The following ARMH3 variants were observed in gnomAD, a reference collection of about 807,000 sequenced individuals.
ARMH3 encodes armadillo like helical domain containing 3.
Under a neutral mutation model 99.1 loss-of-function variants are expected in ARMH3, and 60 were observed. That is an observed-to-expected ratio of 0.61 (90% CI 0.49 to 0.75). The LOEUF is 0.75. Among genes scored for constraint, ARMH3 ranks in the 30% least tolerant of loss-of-function variants. The pLI, the probability that ARMH3 is intolerant of heterozygous loss-of-function variation, is 0.00. For synonymous variants in ARMH3, 285 were observed against 292.8 expected (o/e 0.97, Z 0.27); for missense variants, 679 against 843.1 (o/e 0.81, Z 2.41).
At chr10:101,973,495 A>G (rs1162358417) in intron 20 of ARMH3, among the ~76,000 whole-genome samples, 1 of 152,246 alleles carries the variant, frequency 6.6e-6, no homozygotes, top group Non-Finnish European at 1.5e-5. Context: ...TCATACCAAT[A>G]AAAGTGTCGA....
intron 23 of ARMH3, among the ~76,000 whole-genome samples, chr10:101,922,987 T>C (rs1843362900): frequency 1.3e-5 from 2 of 152,288 alleles, no homozygotes; most frequent in Middle Eastern, 3.4e-3. Context: ...GTACACTCCA[T>C]GTTTGACATC....
Position 101,983,520 on chromosome 10 carries a change from A to G in ARMH3, c.1406+7031T>C, listed in dbSNP as rs550332613. On this transcript the variant is annotated intron_variant, in intron 19 of 25. Coordinates refer to ENST00000370033, the MANE Select transcript of ARMH3 (RefSeq NM_024541.3). Reference sequence around the variant, plus strand: ...GTGATCCATCTACCTCAGCCTCCCAAAGTGCTAGGATTACAGGCATGAACC... The same window carrying G: ...GTGATCCATCTACCTCAGCCTCCCAGAGTGCTAGGATTACAGGCATGAACC... 1.1e-4 allele frequency among the ~76,000 whole-genome samples: 17 copies of G among 152,250 alleles called. 1 individual carries two copies. In the South Asian group the frequency reaches 3.3e-3, roughly 30 times the overall value.
chr10:102,012,962 CTAAT>C, intron 9 of ARMH3, 86 bp from the exon 10 acceptor site: 1 of 1,183,380 alleles, frequency 8.5e-7, no homozygotes, highest in Non-Finnish European at 1.2e-6. Context: ...AGAAAGAACA[CTAAT>C]TAGCCCAAGA....
At chr10:102,055,028 CA>C (rs149001297) in intron 1 of ARMH3, among the ~76,000 whole-genome samples, 105 of 126,514 alleles carry the variant, frequency 8.3e-4, no homozygotes, top group Admixed American at 1.6e-3. Flanking sequence ...AACAAACAAA[CA>C]AAAAAAAAAA....
chr10:101,942,259 T>A (rs2135725292), intron 22 of ARMH3, among the ~76,000 whole-genome samples: 1 of 152,086 alleles, frequency 6.6e-6, no homozygotes, highest in East Asian at 1.9e-4. Flanking sequence ...ACAAAAAAAA[T>A]GAATTGTATG....
At position 101,991,954 on chromosome 10, in the gene ARMH3, A is replaced by G; in HGVS notation, c.1345+15T>C. 6.2e-7 allele frequency: 1 copy of G among 1,607,102 alleles called. No individual in the cohort carries two copies. The highest frequency in any genetic ancestry group is 2.2e-5 in the East Asian group (1 of 44,856). On this transcript the variant is annotated intron_variant, in intron 18 of 25. Coordinates refer to ENST00000370033, the MANE Select transcript of ARMH3 (RefSeq NM_024541.3). ...CTGTCACAGAACAATGTCAATGTTG[A>G]TGATACTCACTCACCCAGTACTGCA...
intron 23 of ARMH3, among the ~76,000 whole-genome samples, chr10:101,914,086 T>C (rs1438106717): frequency 6.6e-6 from 1 of 152,120 alleles, no homozygotes; most frequent in African/African-American, 2.4e-5. Flanking sequence ...AATGACTAAT[T>C]AAGTGTTGGC....
At chr10:101,944,584 C>T (rs971919298) in intron 22 of ARMH3, among the ~76,000 whole-genome samples, 2 of 151,914 alleles carry the variant, frequency 1.3e-5, no homozygotes, top group African/African-American at 2.4e-5. Flanking sequence ...GAGGCTGAGG[C>T]GGGTGGATCA....
At chr10:101,950,262 A>G (rs570324879) in intron 22 of ARMH3, among the ~76,000 whole-genome samples, 1 of 152,354 alleles carries the variant, frequency 6.6e-6, no homozygotes, top group South Asian at 2.1e-4. Context: ...CCAATAAGTG[A>G]GATGACAGGA....
At chr10:101,866,288 A>G (rs1487839401) in intron 24 of ARMH3, among the ~76,000 whole-genome samples, 4 of 152,046 alleles carry the variant, frequency 2.6e-5, no homozygotes, top group African/African-American at 9.7e-5. Flanking sequence ...TTAGTGCAAT[A>G]GTGTAAAACT....
intron 24 of ARMH3, among the ~76,000 whole-genome samples, chr10:101,857,764 C>A (rs2066769264): frequency 6.6e-6 from 1 of 152,150 alleles, no homozygotes; most frequent in Non-Finnish European, 1.5e-5. Flanking sequence ...GTTATTGGGT[C>A]TAAAATGCTC....
chr10:101,847,746 G>T, intron 25 of ARMH3, 126 bp from the exon 26 acceptor site: 1 of 827,482 alleles, frequency 1.2e-6, no homozygotes, highest in Non-Finnish European at 2.0e-6. Flanking sequence ...CTTAGGAAAT[G>T]AACCCTTAAC....
At chr10:102,019,822 G>A (rs902172203) in intron 8 of ARMH3, among the ~76,000 whole-genome samples, 6 of 151,466 alleles carry the variant, frequency 4.0e-5, no homozygotes, top group African/African-American at 1.2e-4. Context: ...CAGCTACTCC[G>A]GAGGCTGAGG....
chr10:101,944,966 A>G (rs1844453744), intron 22 of ARMH3, among the ~76,000 whole-genome samples: 1 of 152,224 alleles, frequency 6.6e-6, no homozygotes, highest in African/African-American at 2.4e-5. Flanking sequence ...TTAAACAAAA[A>G]TATCTTTTTA....
At chr10:101,873,391 G>C (rs1047252354) in intron 24 of ARMH3, among the ~76,000 whole-genome samples, 2 of 152,096 alleles carry the variant, frequency 1.3e-5, no homozygotes, top group South Asian at 2.1e-4. Context: ...CAGCCTGGGG[G>C]ACAGGGCAAG....
chr10:101,870,727 C>T (rs2067113015), intron 24 of ARMH3, among the ~76,000 whole-genome samples: 3 of 152,180 alleles, frequency 2.0e-5, no homozygotes, highest in Non-Finnish European at 4.4e-5. Flanking sequence ...ACTTCCCCAA[C>T]TCATTTTTTA....
intron 19 of ARMH3, among the ~76,000 whole-genome samples, chr10:101,978,445 T>C (rs2135940284): frequency 6.6e-6 from 1 of 152,292 alleles, no homozygotes; most frequent in Admixed American, 6.5e-5. Flanking sequence ...TTTCTCAAAA[T>C]GTTAGATACA....
intron 22 of ARMH3, among the ~76,000 whole-genome samples, chr10:101,954,299 C>T (rs1431782353): frequency 6.6e-6 from 1 of 152,178 alleles, no homozygotes; most frequent in Admixed American, 6.5e-5. Flanking sequence ...AAATGTCCTT[C>T]ACCTGATAAA....
At chr10:101,896,713 T>G (rs1232744553) in intron 23 of ARMH3, among the ~76,000 whole-genome samples, 1 of 152,214 alleles carries the variant, frequency 6.6e-6, no homozygotes, top group Non-Finnish European at 1.5e-5. Flanking sequence ...CTTGCATATG[T>G]TAGCAATGCT....
Sources: allele counts gnomAD v4.1 joint callset (sites outside exome capture counted in the v4.1 genomes callset), GRCh38; gene constraint gnomAD v4.1.1; transcripts MANE v1.5; gene names NCBI Gene and HGNC (gene_info 2026-07-23, HGNC 2026-07-21).